Variants in CADM2 observed in about 807,000 individuals in gnomAD.
CADM2 encodes cell adhesion molecule 2, also known as immunoglobulin superfamily member 4D.
In CADM2, 12 loss-of-function variants were observed where a neutral mutation model predicts 49.8. The ratio of observed to expected loss-of-function variants is 0.24; its 90% CI spans 0.15 to 0.39. CADM2 has a LOEUF of 0.39. Ranked by LOEUF, CADM2 falls within the 10% of genes least tolerant of loss-of-function variation. The probability of loss-of-function intolerance (pLI) is 1.00; values close to 1 mark genes in which losing one functional copy is unlikely to be tolerated. For synonymous variants in CADM2, 214 were observed against 175.4 expected (o/e 1.22, Z -1.74); for missense variants, 378 against 492.3 (o/e 0.77, Z 2.20).
At chr3:85,978,138 T>G (rs1727021373) in intron 8 of CADM2, among the ~76,000 whole-genome samples, 1 of 151,646 alleles carries the variant, frequency 6.6e-6, no homozygotes, top group Non-Finnish European at 1.5e-5. Flanking sequence ...TTCCTCACTG[T>G]GTAGATTACA....
intron 3 of CADM2, among the ~76,000 whole-genome samples, chr3:85,834,618 G>A (rs555133460): frequency 1.6e-4 from 24 of 151,582 alleles, no homozygotes; most frequent in African/African-American, 5.3e-4. Flanking sequence ...TATGTTCTGA[G>A]TTTGACTTGT....
At chr3:85,672,501 T>C (rs1467917012) in intron 1 of CADM2, among the ~76,000 whole-genome samples, 2 of 152,196 alleles carry the variant, frequency 1.3e-5, no homozygotes, top group Non-Finnish European at 2.9e-5. Flanking sequence ...CTAATACTGA[T>C]ACTCAGTGGC....
intron 2 of CADM2, 40 bp from the exon 3 acceptor site, chr3:85,802,006 TG>T: frequency 7.1e-7 from 1 of 1,398,862 alleles, no homozygotes; most frequent in South Asian, 1.6e-5. Context: ...AATCATTTTA[TG>T]ACTTTCATTT....
At chr3:85,323,072 T>C (rs1008086472) in intron 1 of CADM2, among the ~76,000 whole-genome samples, 6 of 152,164 alleles carry the variant, frequency 3.9e-5, no homozygotes, top group Admixed American at 6.5e-5. Flanking sequence ...ACTGTTTTCT[T>C]TTTTTCCGTC....
chr3:85,658,576 GTATATA>G (rs397990421), intron 1 of CADM2, among the ~76,000 whole-genome samples: 2,605 of 68,688 alleles, frequency 0.038, 59 homozygotes, highest in African/African-American at 0.069. Context: ...GGATATATGT[GTATATA>G]TATATATATA....
At chr3:85,461,393 A>T (rs62250711) in intron 1 of CADM2, among the ~76,000 whole-genome samples, 79,919 of 151,962 alleles carry the variant, frequency 0.53, 23,159 homozygotes, top group East Asian at 0.83. Context: ...TTGAAGTGTA[A>T]GTTTCTTTCC....
intron 1 of CADM2, among the ~76,000 whole-genome samples, chr3:84,972,411 G>T (rs1373006012): frequency 6.6e-6 from 1 of 152,162 alleles, no homozygotes; most frequent in Admixed American, 6.5e-5. Flanking sequence ...TATGTAAACA[G>T]ATTTTTTATT....
chr3:85,557,713 T>C (rs1378914720), intron 1 of CADM2, among the ~76,000 whole-genome samples: 1 of 152,012 alleles, frequency 6.6e-6, no homozygotes, highest in African/African-American at 2.4e-5. Flanking sequence ...CAATCCTCAT[T>C]ACTTTCAAAA....
chr3:85,633,182 T>A (rs1009158644), intron 1 of CADM2, among the ~76,000 whole-genome samples: 2 of 152,082 alleles, frequency 1.3e-5, no homozygotes, highest in African/African-American at 4.8e-5. Context: ...TATTACTGAG[T>A]AATATTTGTG....
At chr3:85,426,101 T>C (rs1043370052) in intron 1 of CADM2, among the ~76,000 whole-genome samples, 2 of 152,036 alleles carry the variant, frequency 1.3e-5, no homozygotes, top group Admixed American at 6.6e-5. Flanking sequence ...GCAGGCATAA[T>C]GCAGCAATAA....
intron 3 of CADM2, among the ~76,000 whole-genome samples, chr3:85,840,112 T>G (rs547850093): frequency 6.6e-6 from 1 of 152,036 alleles, no homozygotes; most frequent in East Asian, 1.9e-4. Context: ...GACAGCCATG[T>G]TTTTTAGTTC....
chr3:85,671,677 C>A (rs1054257183), intron 1 of CADM2, among the ~76,000 whole-genome samples: 1 of 152,138 alleles, frequency 6.6e-6, no homozygotes, highest in African/African-American at 2.4e-5. Flanking sequence ...AAGCGACCCT[C>A]TTACACCAGG....
chr3:85,325,885 A>C (rs944368602), intron 1 of CADM2, among the ~76,000 whole-genome samples: 1 of 152,166 alleles, frequency 6.6e-6, no homozygotes, highest in Admixed American at 6.5e-5. Flanking sequence ...TCTTATATAA[A>C]AGAAACAGGG....
chr3:85,021,108 C>A (rs1413700818), intron 1 of CADM2, among the ~76,000 whole-genome samples: 1 of 113,596 alleles, frequency 8.8e-6, no homozygotes. Flanking sequence ...CAGAGTGAGA[C>A]CCTGTCTCAA....
intron 7 of CADM2, among the ~76,000 whole-genome samples, chr3:85,952,274 T>C (rs1723525401): frequency 6.6e-6 from 1 of 150,878 alleles, no homozygotes; most frequent in South Asian, 2.1e-4. Flanking sequence ...ATGACACTAT[T>C]CTCTTGATTT....
intron 1 of CADM2, among the ~76,000 whole-genome samples, chr3:85,706,673 A>G (rs2066960551): frequency 1.3e-5 from 2 of 152,212 alleles, no homozygotes; most frequent in African/African-American, 2.4e-5. Flanking sequence ...ATGAAAAAAT[A>G]TACATTTCTC....
At chr3:85,556,987 T>C (rs1345555416) in intron 1 of CADM2, among the ~76,000 whole-genome samples, 1 of 152,102 alleles carries the variant, frequency 6.6e-6, no homozygotes, top group Non-Finnish European at 1.5e-5. Context: ...ATTGGCTTTA[T>C]GATTTTAATA....
intron 1 of CADM2, among the ~76,000 whole-genome samples, chr3:85,094,763 T>A (rs2037730852): frequency 6.6e-6 from 1 of 152,184 alleles, no homozygotes; most frequent in Non-Finnish European, 1.5e-5. Flanking sequence ...TGCTCAAAGA[T>A]ACGTTTAAAT....
chr3:85,850,871 T>C (rs1387340338), intron 3 of CADM2, among the ~76,000 whole-genome samples: 1 of 152,218 alleles, frequency 6.6e-6, no homozygotes, highest in Non-Finnish European at 1.5e-5. Context: ...AAATGGAATA[T>C]AGTCACTCTG....
Sources: gnomAD v4.1 joint callset for allele counts (sites outside exome capture counted in the v4.1 genomes callset) on GRCh38, gnomAD v4.1.1 for gene constraint, MANE v1.5 for transcripts, NCBI Gene and HGNC (gene_info 2026-07-23, HGNC 2026-07-21) for gene names.